The following GPC5 variants were observed in gnomAD, a reference collection of about 807,000 sequenced individuals.
GPC5 encodes the protein glypican 5.
A neutral mutation model predicts 53.9 loss-of-function variants in GPC5; 47 were observed. The observed-to-expected ratio is 0.87, with a 90% confidence interval of 0.69 to 1.11. The LOEUF (loss-of-function observed/expected upper bound fraction) is 1.11, where lower values mean the gene tolerates loss of function less well. Ranked by LOEUF, GPC5 falls within the 50% of genes most tolerant of loss-of-function variation. The pLI, the probability that GPC5 is intolerant of heterozygous loss-of-function variation, is 0.00. For missense variants in GPC5, 748 were observed against 713.1 expected, an observed-to-expected ratio of 1.05 and a Z score of -0.56; for synonymous variants, 286 against 263.3, an observed-to-expected ratio of 1.09 and a Z score of -0.84.
At chr13:92,463,961 A>G (rs1423756117) in intron 7 of GPC5, among the ~76,000 whole-genome samples, 1 of 152,136 alleles carries the variant, frequency 6.6e-6, no homozygotes, top group Non-Finnish European at 1.5e-5. Flanking sequence ...TTTTTGTCAC[A>G]TGTTAAATTC....
At chr13:92,836,679 A>T (rs1335962909) in intron 7 of GPC5, among the ~76,000 whole-genome samples, 1 of 152,096 alleles carries the variant, frequency 6.6e-6, no homozygotes, top group Non-Finnish European at 1.5e-5. Context: ...GAGATTTAAG[A>T]GTAATGTAAA....
chr13:91,889,155 T>G (rs1387270966), intron 5 of GPC5, among the ~76,000 whole-genome samples: 1 of 152,216 alleles, frequency 6.6e-6, no homozygotes, highest in South Asian at 2.1e-4. Flanking sequence ...GAGCTTAGTA[T>G]GTAAGATACT....
At chr13:92,603,603 T>C (rs953837527) in intron 7 of GPC5, among the ~76,000 whole-genome samples, 2 of 152,200 alleles carry the variant, frequency 1.3e-5, no homozygotes, top group African/African-American at 2.4e-5. Flanking sequence ...TATTATGGGC[T>C]GGATAGATCT....
chr13:92,692,996 T>C (rs1887457639), intron 7 of GPC5, among the ~76,000 whole-genome samples: 1 of 151,804 alleles, frequency 6.6e-6, no homozygotes, highest in African/African-American at 2.4e-5. Context: ...CTCATGACAA[T>C]GAGTGGGTTC....
At chr13:91,443,855 ATG>A (rs1442997072) in intron 1 of GPC5, among the ~76,000 whole-genome samples, 2 of 152,190 alleles carry the variant, frequency 1.3e-5, no homozygotes, top group African/African-American at 4.8e-5. Context: ...CTTCTTTATC[ATG>A]TCTGTATCTC....
intron 7 of GPC5, among the ~76,000 whole-genome samples, chr13:92,527,834 T>G (rs1347351683): frequency 6.6e-6 from 1 of 152,102 alleles, no homozygotes; most frequent in Non-Finnish European, 1.5e-5. Context: ...AGAAAATTAC[T>G]AATTTCAAGC....
chr13:92,069,393 A>G (rs2041192291), intron 6 of GPC5, among the ~76,000 whole-genome samples: 2 of 145,114 alleles, frequency 1.4e-5, no homozygotes, highest in East Asian at 4.0e-4. Context: ...CTTTATTATC[A>G]TAATGTGTGC....
At chr13:91,519,246 G>A (rs1447093718) in intron 2 of GPC5, among the ~76,000 whole-genome samples, 1 of 152,024 alleles carries the variant, frequency 6.6e-6, no homozygotes, top group Non-Finnish European at 1.5e-5. Context: ...TGCACCAGTG[G>A]GAAGTAAATA....
At chr13:92,300,441 A>C (rs2139196673) in intron 7 of GPC5, among the ~76,000 whole-genome samples, 1 of 152,294 alleles carries the variant, frequency 6.6e-6, no homozygotes, top group East Asian at 1.9e-4. Context: ...AGTGGACCCC[A>C]AATTTGCATT....
At chr13:92,329,794 C>T (rs2043276453) in intron 7 of GPC5, among the ~76,000 whole-genome samples, 1 of 152,068 alleles carries the variant, frequency 6.6e-6, no homozygotes, top group African/African-American at 2.4e-5. Context: ...AAGAAAACAT[C>T]ACAGGACAGC....
At chr13:91,979,111 A>G (rs2040334377) in intron 6 of GPC5, among the ~76,000 whole-genome samples, 1 of 152,172 alleles carries the variant, frequency 6.6e-6, no homozygotes, top group Non-Finnish European at 1.5e-5. Flanking sequence ...TTTTGTTATG[A>G]GATGTCTAAA....
chr13:92,801,625 T>C (rs1038987988), intron 7 of GPC5, among the ~76,000 whole-genome samples: 2 of 151,802 alleles, frequency 1.3e-5, no homozygotes, highest in African/African-American at 4.8e-5. Context: ...GACAGCTTCC[T>C]GTATGTTCTT....
At chr13:92,122,746 T>TC (rs1270506475) in intron 6 of GPC5, among the ~76,000 whole-genome samples, 26 of 146,896 alleles carry the variant, frequency 1.8e-4, no homozygotes, top group Admixed American at 5.4e-4. Context: ...CAGTCTTTTT[T>TC]TTTTTTTTTT....
At chr13:91,399,336 CGGGGAGG>C in intron 1 of GPC5, 127 bp downstream of exon 1, 1 of 1,196,712 alleles carries the variant, frequency 8.4e-7, no homozygotes, top group Non-Finnish European at 1.1e-6. Flanking sequence ...GGGTGAATCC[CGGGGAGG>C]CTTCCGGGGA....
chr13:91,414,100 G>A (rs1366775911), intron 1 of GPC5, among the ~76,000 whole-genome samples: 1 of 152,132 alleles, frequency 6.6e-6, no homozygotes, highest in East Asian at 1.9e-4. Flanking sequence ...CAATGATATA[G>A]TTTGGCTGTG....
chr13:92,324,731 T>C (rs1026589231), intron 7 of GPC5, among the ~76,000 whole-genome samples: 1 of 151,908 alleles, frequency 6.6e-6, no homozygotes, highest in Non-Finnish European at 1.5e-5. Flanking sequence ...AGCTGTACTA[T>C]ATATCATTCT....
chr13:92,694,683 G>T (rs1458865059), intron 7 of GPC5, among the ~76,000 whole-genome samples: 4 of 152,224 alleles, frequency 2.6e-5, no homozygotes, highest in Non-Finnish European at 4.4e-5. Context: ...ATAGATGAAA[G>T]TGACTTCCCT....
chr13:92,336,424 T>C (rs980217819), intron 7 of GPC5, among the ~76,000 whole-genome samples: 15 of 152,192 alleles, frequency 9.9e-5, no homozygotes, highest in Non-Finnish European at 1.5e-5. Flanking sequence ...AAAATATGCA[T>C]GGTTTTTGTA....
intron 2 of GPC5, among the ~76,000 whole-genome samples, chr13:91,654,691 G>A (rs372668456): frequency 1.3e-5 from 2 of 152,012 alleles, no homozygotes; most frequent in East Asian, 1.9e-4. Flanking sequence ...AAATACTATT[G>A]CAAATTGTAT....
Sources: allele counts gnomAD v4.1 joint callset (sites outside exome capture counted in the v4.1 genomes callset), GRCh38; gene constraint gnomAD v4.1.1; transcripts MANE v1.5; gene names NCBI Gene and HGNC (gene_info 2026-07-23, HGNC 2026-07-21).